The following PDE1C variants were observed in gnomAD, a reference collection of about 807,000 sequenced individuals.
PDE1C encodes phosphodiesterase 1C.
PDE1C carries 62 observed loss-of-function variants against 93.1 expected under a neutral mutation model. The ratio of observed to expected loss-of-function variants is 0.67; its 90% confidence interval spans 0.54 to 0.82. The LOEUF (loss-of-function observed/expected upper bound fraction) is 0.82, where lower values mean the gene tolerates loss of function less well. Among genes scored for constraint, PDE1C ranks in the 40% least tolerant of loss-of-function variants. The pLI is 0.00. For synonymous variants in PDE1C, 325 were observed against 310.1 expected (o/e 1.05, Z -0.50); for missense variants, 742 against 884.6 (o/e 0.84, Z 2.04).
intron 1 of PDE1C, among the ~76,000 whole-genome samples, chr7:32,294,354 G>A (rs1219305258): frequency 6.6e-6 from 1 of 152,150 alleles, no homozygotes; most frequent in Non-Finnish European, 1.5e-5. Flanking sequence ...ACACCAATAG[G>A]TTCATTTTTG....
Position 32,299,034 on chromosome 7 carries a change from G to C in PDE1C, c.-299C>G, listed in dbSNP as rs980415680. On this transcript the variant is annotated 5_prime_UTR_variant, in exon 1 of 19. Coordinates refer to the PDE1C transcript ENST00000396193. ...TCAGGAAGGGAGGACGCGCGCCCGAGCGCGTGGACGGGGCTGACCGGTGGG... is the reference window on the plus strand; with the variant it reads ...TCAGGAAGGGAGGACGCGCGCCCGACCGCGTGGACGGGGCTGACCGGTGGG... 2.2e-5 allele frequency: 26 copies of C among 1,194,798 alleles called. 1 individual carries two copies. The African/African-American group carries it at 2.7e-4, about 13-fold the overall frequency. The allele number at this position is 1,194,798 out of a possible 1,614,324, so 74.0% of individuals were successfully genotyped here.
chr7:31,788,892 A>G (rs918640422), intron 16 of PDE1C: 1 of 152,196 alleles, frequency 6.6e-6, no homozygotes, highest in African/African-American at 2.4e-5. Context: ...AAGGTCCAGG[A>G]AGACCACATA....
At chr7:31,639,544 T>TTTTTTTTTTTTTTTTTTG in the PDE1C span, among the ~76,000 whole-genome samples, 3 of 135,188 alleles carry the variant, frequency 2.2e-5, no homozygotes, top group Non-Finnish European at 3.2e-5. Context: ...TTTTGTTTTT[T>TTTTTTTTTTTTTTTTTTG]TTTTTTTTTT....
chr7:31,936,834 G>C lies in PDE1C; in HGVS notation c.129-55974C>G, dbSNP rs573484498. ...TAGAGGTTTATTTTGCCAAGGTTAA[G>C]AGCCAGCCCACGACAGAGCCTCAGG... On this transcript the variant is annotated intron_variant, in intron 2 of 17. Coordinates refer to ENST00000396191, the MANE Select transcript of PDE1C (RefSeq NM_001191057.4). Among the ~76,000 whole-genome samples, 18 of 152,264 alleles carry C rather than the reference G, an allele frequency of 1.2e-4. No homozygotes were observed. In the East Asian group the frequency reaches 3.5e-3, roughly 29 times the overall value.
Position 32,209,432 on chromosome 7 carries a change from C to G in PDE1C, c.136+57G>C. 4 of 1,396,308 alleles carry G rather than the reference C, an allele frequency of 2.9e-6. No homozygotes were observed. The South Asian group carries it at 3.9e-5, about 14-fold the overall frequency. 86.5% of individuals were successfully genotyped at this position (1,396,308 alleles called of 1,614,324 possible). ...GAGCTATACCGCATGGGGGAAAGAT[C>G]TCTGGAGAACATTTTCTGATGGAGA... On this transcript the variant is annotated intron_variant, in intron 2 of 18. Coordinates refer to the PDE1C transcript ENST00000396193.
chr7:32,280,175 C>T (rs1371409649), intron 1 of PDE1C, among the ~76,000 whole-genome samples: 2 of 152,066 alleles, frequency 1.3e-5, no homozygotes, highest in Non-Finnish European at 2.9e-5. Flanking sequence ...GAGATACACA[C>T]AAGATATTGT....
intron 7 of PDE1C, among the ~76,000 whole-genome samples, chr7:31,852,087 T>G (rs1414335384): frequency 1.3e-5 from 2 of 152,196 alleles, no homozygotes; most frequent in Non-Finnish European, 2.9e-5. Context: ...TGAGTTAAAA[T>G]GAACATTTAA....
At chr7:31,827,353 T>C (rs535353987) in intron 12 of PDE1C, among the ~76,000 whole-genome samples, 77 of 152,278 alleles carry the variant, frequency 5.1e-4, no homozygotes, top group African/African-American at 1.7e-3. Flanking sequence ...AATTCAAATA[T>C]TATCCCTTAA....
chr7:32,374,295 G>GAA (rs1023678783), intron 1 of PDE1C, among the ~76,000 whole-genome samples: 1 of 150,020 alleles, frequency 6.7e-6, no homozygotes, highest in Non-Finnish European at 1.5e-5. Context: ...AAGAAAGAAA[G>GAA]AAAGAAAGAA....
intron 1 of PDE1C, among the ~76,000 whole-genome samples, chr7:32,401,404 G>T (rs984825821): frequency 5.3e-5 from 8 of 152,090 alleles, no homozygotes; most frequent in Admixed American, 3.9e-4. Flanking sequence ...AGGCGTGGTG[G>T]CACGTGCCTG....
chr7:32,244,230 A>G (rs528480887), intron 1 of PDE1C, among the ~76,000 whole-genome samples: 4 of 152,324 alleles, frequency 2.6e-5, no homozygotes, highest in South Asian at 4.1e-4. Context: ...ATAGGGCCCA[A>G]GGAAGGAGGA....
At chr7:31,735,398 CAAAAAAAAAAAAAAAAA>C in the PDE1C span, among the ~76,000 whole-genome samples, 2 of 142,898 alleles carry the variant, frequency 1.4e-5, no homozygotes, top group Non-Finnish European at 1.5e-5. Flanking sequence ...AACTCTGTCT[CAAAAAAAAAAAAAAAAA>C]AAAAAAAAAA....
At chr7:31,765,007 T>C (rs7787716) in intron 17 of PDE1C, among the ~76,000 whole-genome samples, 1 of 152,322 alleles carries the variant, frequency 6.6e-6, no homozygotes, top group South Asian at 2.1e-4. Flanking sequence ...CATGTTTGCT[T>C]GAGAAGAATG....
At chr7:31,743,426 A>G in the PDE1C span, among the ~76,000 whole-genome samples, 25 of 152,220 alleles carry the variant, frequency 1.6e-4, no homozygotes, top group East Asian at 9.7e-4. Flanking sequence ...CCCTGCCACA[A>G]GTAAGACAGG....
chr7:31,731,391 G>A, the PDE1C span, among the ~76,000 whole-genome samples: 1 of 146,512 alleles, frequency 6.8e-6, no homozygotes, highest in Non-Finnish European at 1.5e-5. Flanking sequence ...GCAGGGAATT[G>A]GCACTTTTTT....
intron 1 of PDE1C, among the ~76,000 whole-genome samples, chr7:32,402,254 A>G (rs1784960127): frequency 1.3e-5 from 2 of 152,060 alleles, no homozygotes; most frequent in Non-Finnish European, 2.9e-5. Context: ...CACTAGATAA[A>G]AAGAGATTTA....
chr7:31,848,683 C>T (rs1417193039), intron 8 of PDE1C, among the ~76,000 whole-genome samples: 1 of 152,140 alleles, frequency 6.6e-6, no homozygotes, highest in Non-Finnish European at 1.5e-5. Flanking sequence ...TCACTAAACA[C>T]ACGACTGTAT....
At chr7:32,391,168 C>T (rs910484780) in intron 1 of PDE1C, among the ~76,000 whole-genome samples, 6 of 152,088 alleles carry the variant, frequency 3.9e-5, no homozygotes, top group African/African-American at 1.4e-4. Context: ...GACAAATAAA[C>T]TAAAAAGTTT....
Position 31,879,798 on chromosome 7 carries a change from C to T in PDE1C, c.243-620G>A, listed in dbSNP as rs1434343793. Among the ~76,000 whole-genome samples the T allele has an allele frequency of 1.8e-4, 27 of 152,086 alleles. 1 individual carries two copies. Among genetic ancestry groups the T allele is most frequent in the Admixed American group, 1.6e-3 (25 of 15,270 alleles). On this transcript the variant is annotated intron_variant, in intron 3 of 17. Coordinates refer to ENST00000396191, the MANE Select transcript of PDE1C (RefSeq NM_001191057.4). ...TGTTCATAGGTCAGACCACTAGAAT[C>T]GAACACAAAGAGCAATGTTAAAATA...
Sources: allele counts gnomAD v4.1 joint callset (sites outside exome capture counted in the v4.1 genomes callset), GRCh38; gene constraint gnomAD v4.1.1; transcripts MANE v1.5; gene names NCBI Gene and HGNC (gene_info 2026-07-23, HGNC 2026-07-21).